ZSWIM6: variants seen among roughly 807,000 people sequenced by gnomAD.
ZSWIM6 encodes the protein zinc finger SWIM domain-containing protein 6.
In ZSWIM6, 9 loss-of-function variants were observed where a neutral mutation model predicts 113.2. The observed-to-expected ratio is 0.08, with a 90% CI of 0.05 to 0.14. The LOEUF is 0.14. Ranked by LOEUF, ZSWIM6 falls within the 10% of genes least tolerant of loss-of-function variation. ZSWIM6 has a pLI of 1.00. For missense variants in ZSWIM6, 1,162 were observed against 1,552.2 expected (o/e 0.75, Z 4.22); for synonymous variants, 611 against 606.5 (o/e 1.01, Z -0.11).
chr5:61,375,196 A>G (rs1745347213), intron 1 of ZSWIM6: 3 of 1,613,474 alleles, frequency 1.9e-6, no homozygotes, highest in Non-Finnish European at 2.5e-6. Flanking sequence ...TTCAGGGCCA[A>G]CAATACAGGA....
intron 4 of ZSWIM6, among the ~76,000 whole-genome samples, chr5:61,504,774 T>G (rs1233526810): frequency 6.6e-6 from 1 of 152,148 alleles, no homozygotes; most frequent in Non-Finnish European, 1.5e-5. Flanking sequence ...TATCAGTGGC[T>G]CAGGGAAGCA....
chr5:61,452,553 G>A (rs1747106863), intron 1 of ZSWIM6, among the ~76,000 whole-genome samples: 1 of 152,120 alleles, frequency 6.6e-6, no homozygotes, highest in Admixed American at 6.6e-5. Context: ...CCACAACTAA[G>A]TAACCATATC....
At chr5:61,418,724 T>C (rs1746301052) in intron 1 of ZSWIM6, among the ~76,000 whole-genome samples, 1 of 152,210 alleles carries the variant, frequency 6.6e-6, no homozygotes, top group African/African-American at 2.4e-5. Flanking sequence ...AGATGCTCTT[T>C]AAAATTTTTC....
chr5:61,525,479 T>G (rs952846423), intron 5 of ZSWIM6, among the ~76,000 whole-genome samples: 1 of 152,204 alleles, frequency 6.6e-6, no homozygotes, highest in Non-Finnish European at 1.5e-5. Context: ...TTCCTGTGAC[T>G]TTTGTGCTGA....
intron 1 of ZSWIM6, 63 bp downstream of exon 1, chr5:61,333,011 G>GGGGCCCC: frequency 1.0e-6 from 1 of 1,003,874 alleles, no homozygotes; most frequent in Non-Finnish European, 1.2e-6. Flanking sequence ...GGGGGGGGGT[G>GGGGCCCC]CCCGCCTTTC....
At chr5:61,452,268 T>C (rs914642176) in intron 1 of ZSWIM6, among the ~76,000 whole-genome samples, 1 of 152,214 alleles carries the variant, frequency 6.6e-6, no homozygotes, top group Non-Finnish European at 1.5e-5. Flanking sequence ...TTATAGTTCA[T>C]TCCTATTCAT....
Position 61,543,496 on chromosome 5 carries a change from C to T in ZSWIM6, c.2827C>T (p.Leu943Phe). 6.4e-7 allele frequency: 1 copy of T among 1,551,282 alleles called. No individual in the cohort carries two copies. Among genetic ancestry groups the T allele is most frequent in the Non-Finnish European group, 8.7e-7 (1 of 1,146,946 alleles). ...LDSIMQTWFT[L>F]FTPTEATSIV... ...CAGCATCATGCAGACCTGGTTTACA[C>T]TCTTTACTCCCACCGAGGCCACAAG... Residue 943 changes from leucine to phenylalanine, a missense_variant, in exon 14 of 14, where the codon CTC (leucine) becomes TTC (phenylalanine). Physicochemically the swap from Leu to Phe is conservative, Grantham distance 22 (BLOSUM62 0). This residue lies in a region of ZSWIM6 where 620 missense variants were observed against 804.6 expected (regional missense o/e 0.77). Transcript: ENST00000252744. This position sits in a 1 kb window ranked among gnomAD's most constrained non-coding sequence, Gnocchi z 4.3.
intron 1 of ZSWIM6, among the ~76,000 whole-genome samples, chr5:61,450,018 T>G (rs1747053893): frequency 6.6e-6 from 1 of 152,196 alleles, no homozygotes; most frequent in Non-Finnish European, 1.5e-5. Flanking sequence ...AGTATTTCAG[T>G]GGAATGAAAG....
chr5:61,359,791 G>A (rs755846455), intron 1 of ZSWIM6, among the ~76,000 whole-genome samples: 2 of 152,098 alleles, frequency 1.3e-5, no homozygotes. Context: ...TTTTCAAAAC[G>A]ACTGTAAGAA....
chr5:61,540,937 T>G (rs1025614860), intron 12 of ZSWIM6, among the ~76,000 whole-genome samples: 1 of 116,746 alleles, frequency 8.6e-6, no homozygotes, highest in Non-Finnish European at 1.7e-5. Flanking sequence ...TTTTTTTTTT[T>G]GTTGTTGTTG....
At chr5:61,441,954 G>T (rs1561238924) in intron 1 of ZSWIM6, among the ~76,000 whole-genome samples, 1 of 152,164 alleles carries the variant, frequency 6.6e-6, no homozygotes, top group Non-Finnish European at 1.5e-5. Flanking sequence ...TGAAGAGATA[G>T]GAGATCAGTC....
At chr5:61,357,028 C>A (rs1744929662) in intron 1 of ZSWIM6, among the ~76,000 whole-genome samples, 1 of 151,620 alleles carries the variant, frequency 6.6e-6, no homozygotes, top group African/African-American at 2.4e-5. Context: ...TCAATAGCAT[C>A]ATCATCACCT....
intron 4 of ZSWIM6, among the ~76,000 whole-genome samples, chr5:61,509,470 G>A (rs1748719509): frequency 6.6e-6 from 1 of 152,194 alleles, no homozygotes; most frequent in Admixed American, 6.6e-5. Flanking sequence ...AAAATGTTCA[G>A]TAACCCTGTT....
At chr5:61,442,600 G>A (rs1746863775) in intron 1 of ZSWIM6, among the ~76,000 whole-genome samples, 1 of 152,176 alleles carries the variant, frequency 6.6e-6, no homozygotes, top group African/African-American at 2.4e-5. Flanking sequence ...CATGTGAAAT[G>A]CAACAAGAAT....
At chr5:61,373,838 C>A (rs1745316649) in intron 1 of ZSWIM6, among the ~76,000 whole-genome samples, 1 of 152,036 alleles carries the variant, frequency 6.6e-6, no homozygotes, top group African/African-American at 2.4e-5. Flanking sequence ...AGATTTTTAG[C>A]ATTAAAATTA....
Position 61,526,363 on chromosome 5 carries a change from A to G in ZSWIM6, c.1804A>G (p.Lys602Glu). The change falls in exon 7 of 14, where the codon AAA becomes GAA. Residue 602 changes from lysine to glutamate, a missense_variant. Transcript: ENST00000252744. ...IVNTLRRQQQ[K>E]QLEMFRTQKK... is the part of the protein sequence containing the mutation. Reference sequence around the variant, plus strand: ...TAATACATTAAGACGACAGCAGCAGAAACAGTTGGAAATGTTCCGAACCCA... The same window carrying G: ...TAATACATTAAGACGACAGCAGCAGGAACAGTTGGAAATGTTCCGAACCCA... The G allele has an allele frequency of 6.4e-7, 1 of 1,552,174 alleles. No homozygotes were observed. The highest frequency in any genetic ancestry group is 2.4e-5 in the East Asian group (1 of 40,906).
chr5:61,394,828 C>G (rs1745807021), intron 1 of ZSWIM6, among the ~76,000 whole-genome samples: 1 of 151,978 alleles, frequency 6.6e-6, no homozygotes, highest in Non-Finnish European at 1.5e-5. Flanking sequence ...TTTTCCAATT[C>G]AGATTCTGCA....
chr5:61,399,250 T>C (rs1290915410), intron 1 of ZSWIM6, among the ~76,000 whole-genome samples: 1 of 151,280 alleles, frequency 6.6e-6, no homozygotes, highest in Non-Finnish European at 1.5e-5. Context: ...TTTTTTTTTT[T>C]TAAAGATAAT....
At chr5:61,515,437 C>T (rs1441512484) in intron 4 of ZSWIM6, among the ~76,000 whole-genome samples, 1 of 152,080 alleles carries the variant, frequency 6.6e-6, no homozygotes, top group Non-Finnish European at 1.5e-5. Context: ...CTTCTTGCTG[C>T]ATCATTCCAT....
Sources: gnomAD v4.1 joint callset for allele counts (sites outside exome capture counted in the v4.1 genomes callset) on GRCh38, gnomAD v4.1.1 for gene constraint, gnomAD v4.1.1 regional missense constraint, Gnocchi (gnomAD v3.1) non-coding constraint, MANE v1.5 for transcripts, NCBI Gene and HGNC (gene_info 2026-07-23, HGNC 2026-07-21) for gene names.